TIPIN: variants seen among roughly 807,000 people sequenced by gnomAD.
The protein encoded by TIPIN is TIMELESS interacting protein, also known as TIMELESS-interacting protein.
Under a neutral mutation model 35.6 loss-of-function variants are expected in TIPIN, and 29 were observed. The ratio of observed to expected loss-of-function variants is 0.82; its 90% CI spans 0.61 to 1.11. The LOEUF is 1.11. TIPIN is among the 50% of genes most tolerant of loss of function. TIPIN has a pLI of 0.00. For missense variants in TIPIN, 296 were observed against 345.4 expected (o/e 0.86, Z 1.13); for synonymous variants, 102 against 121.5 (o/e 0.84, Z 1.06).
At chr15:66,350,449 A>G (rs2093159646) in intron 4 of TIPIN, among the ~76,000 whole-genome samples, 1 of 150,830 alleles carries the variant, frequency 6.6e-6, no homozygotes, top group Non-Finnish European at 1.5e-5. Context: ...TACCAAAAAT[A>G]CAAAAATTAG....
At chr15:66,339,915 G>C (rs2093072988) in intron 7 of TIPIN, among the ~76,000 whole-genome samples, 1 of 151,672 alleles carries the variant, frequency 6.6e-6, no homozygotes, top group Admixed American at 6.6e-5. Flanking sequence ...TGTCACCCAG[G>C]CTGGAGTGCA....
At chr15:66,356,349 A>G (rs1170662562) in intron 1 of TIPIN, among the ~76,000 whole-genome samples, 1 of 151,918 alleles carries the variant, frequency 6.6e-6, no homozygotes, top group East Asian at 1.9e-4. Flanking sequence ...CTACATTGAC[A>G]CGCCCCGGAC....
intron 1 of TIPIN, among the ~76,000 whole-genome samples, 177 bp downstream of exon 1, chr15:66,356,462 C>T (rs2093204673): frequency 6.6e-6 from 1 of 152,138 alleles, no homozygotes; most frequent in Non-Finnish European, 1.5e-5. Context: ...CACGCGCCCA[C>T]CTCCCCGCCT....
At chr15:66,372,680 C>A (rs139441754) in intron 1 of TIPIN, among the ~76,000 whole-genome samples, 2,468 of 152,006 alleles carry the variant, frequency 0.016, 31 homozygotes, top group Non-Finnish European at 0.024. Context: ...CCAAGGCAGG[C>A]GGATCACGAG....
At chr15:66,344,431 TA>T (rs150163709) in intron 6 of TIPIN, among the ~76,000 whole-genome samples, 8 of 144,512 alleles carry the variant, frequency 5.5e-5, no homozygotes, top group Non-Finnish European at 3.1e-5. Flanking sequence ...CAAAAAAAAG[TA>T]AAAAAAAAAG....
intron 7 of TIPIN, 120 bp downstream of exon 7, chr15:66,341,028 CTT>C (rs1312403846): frequency 3.4e-5 from 28 of 820,734 alleles, no homozygotes; most frequent in Non-Finnish European, 4.4e-5. Flanking sequence ...TATACATAAA[CTT>C]AATATCACAC....
At chr15:66,371,238 C>T in intron 1 of TIPIN, 1 of 982,966 alleles carries the variant, frequency 1.0e-6, no homozygotes, top group Non-Finnish European at 1.2e-6. Flanking sequence ...GTGTATCAAG[C>T]TTTCTACTAC....
intron 6 of TIPIN, among the ~76,000 whole-genome samples, chr15:66,342,194 AAAAAAAAAAAAAAAG>A (rs2093093179): frequency 1.6e-5 from 1 of 63,082 alleles, no homozygotes; most frequent in African/African-American, 4.6e-5. Context: ...CTCAAAAAAA[AAAAAAAAAAAAAAAG>A]AAAGAAACAA....
At chr15:66,364,779 T>A (rs997071282) in intron 1 of TIPIN, among the ~76,000 whole-genome samples, 1 of 151,596 alleles carries the variant, frequency 6.6e-6, no homozygotes, top group Non-Finnish European at 1.5e-5. Flanking sequence ...CTAGCCTGAC[T>A]AACATGGTGA....
At position 66,339,153 on chromosome 15, in the gene TIPIN, AAAAAG is replaced by A. The variant is rs1386276137; in HGVS notation, c.683-1977_683-1973del. Among the ~76,000 whole-genome samples the A allele has an allele frequency of 2.5e-4, 13 of 51,682 alleles. 1 individual carries two copies. The highest frequency in any genetic ancestry group is 6.0e-4 in the Admixed American group (3 of 4,964). 33.9% of individuals were successfully genotyped at this position (51,682 alleles called of 152,430 possible). ...TCTCAAAAAAAAAAAAAAAAAAAAAAAAAAGCAAAAAGAAAAAGTAAATTCATCTT... is the reference window on the plus strand; with the variant it reads ...TCTCAAAAAAAAAAAAAAAAAAAAAACAAAAAGAAAAAGTAAATTCATCTT... On this transcript the variant is annotated intron_variant, in intron 7 of 7. Transcript: ENST00000261881.
At chr15:66,362,210 G>A (rs1485944028) in intron 1 of TIPIN, among the ~76,000 whole-genome samples, 1 of 151,762 alleles carries the variant, frequency 6.6e-6, no homozygotes, top group Non-Finnish European at 1.5e-5. Flanking sequence ...GGCTGAGGCA[G>A]GAGAATCGCT....
intron 1 of TIPIN, among the ~76,000 whole-genome samples, chr15:66,374,398 G>A (rs1310797509): frequency 6.6e-6 from 1 of 151,350 alleles, no homozygotes; most frequent in Non-Finnish European, 1.5e-5. Flanking sequence ...CAAGTGTTTT[G>A]CCCATTTTTA....
At chr15:66,354,983 G>A (rs1050446847) in intron 1 of TIPIN, among the ~76,000 whole-genome samples, 1 of 151,214 alleles carries the variant, frequency 6.6e-6, no homozygotes, top group African/African-American at 2.4e-5. Flanking sequence ...GTGTTACACA[G>A]CTGGAACCCC....
chr15:66,367,568 T>C (rs2093261361), intron 1 of TIPIN, among the ~76,000 whole-genome samples: 1 of 151,880 alleles, frequency 6.6e-6, no homozygotes, highest in Non-Finnish European at 1.5e-5. Context: ...CTAACTTTTG[T>C]ATTTTTAGTA....
chr15:66,373,313 G>A (rs2093284298), intron 1 of TIPIN, among the ~76,000 whole-genome samples: 1 of 152,050 alleles, frequency 6.6e-6, no homozygotes, highest in African/African-American at 2.4e-5. Flanking sequence ...CTAACACGGT[G>A]AAACACCGTC....
At chr15:66,337,604 G>A (rs1172262478) in intron 7 of TIPIN, among the ~76,000 whole-genome samples, 2 of 151,844 alleles carry the variant, frequency 1.3e-5, no homozygotes, top group Non-Finnish European at 2.9e-5. Flanking sequence ...TTACAGGCGT[G>A]AGCTACCACG....
At chr15:66,372,670 C>T (rs1248560491) in intron 1 of TIPIN, among the ~76,000 whole-genome samples, 1 of 152,162 alleles carries the variant, frequency 6.6e-6, no homozygotes, top group Non-Finnish European at 1.5e-5. Context: ...CTTTGGGATG[C>T]CAAGGCAGGC....
intron 1 of TIPIN, chr15:66,379,894 G>T: frequency 6.5e-7 from 1 of 1,548,050 alleles, no homozygotes; most frequent in East Asian, 2.3e-5. Context: ...TCGACAGTCT[G>T]ATTAATGAGA....
intron 1 of TIPIN, among the ~76,000 whole-genome samples, chr15:66,365,422 A>G (rs1165741745): frequency 2.0e-5 from 3 of 152,258 alleles, no homozygotes; most frequent in Admixed American, 2.0e-4. Flanking sequence ...GGAACCCTCC[A>G]TTCTGGGAAT....
Sources: gnomAD v4.1 joint callset for allele counts (sites outside exome capture counted in the v4.1 genomes callset) on GRCh38, gnomAD v4.1.1 for gene constraint, MANE v1.5 for transcripts, NCBI Gene and HGNC (gene_info 2026-07-23, HGNC 2026-07-21) for gene names.